The following EYS variants were observed in gnomAD, a reference collection of about 807,000 sequenced individuals.
EYS encodes the protein protein eyes shut homolog.
A neutral mutation model predicts 282.1 loss-of-function variants in EYS; 250 were observed. The ratio of observed to expected loss-of-function variants is 0.89; its 90% CI spans 0.80 to 0.98. The LOEUF (loss-of-function observed/expected upper bound fraction) is 0.98. Among genes scored for constraint, EYS ranks in the 50% least tolerant of loss-of-function variants. EYS has a pLI of 0.00. For synonymous variants in EYS, 1,355 were observed against 1,282.9 expected (o/e 1.06, Z -1.20); for missense variants, 4,016 against 3,709.0 (o/e 1.08, Z -2.15).
intron 12 of EYS, among the ~76,000 whole-genome samples, chr6:65,065,575 C>T (rs1462817161): frequency 1.3e-5 from 2 of 151,342 alleles, no homozygotes; most frequent in African/African-American, 2.4e-5. Context: ...CTAGTAGAGA[C>T]GGGGTTTCAC....
At chr6:64,905,591 C>T (rs1767802624) in intron 16 of EYS, among the ~76,000 whole-genome samples, 3 of 152,172 alleles carry the variant, frequency 2.0e-5, no homozygotes, top group Admixed American at 2.0e-4. Context: ...CTCCAAAATA[C>T]ACAAAATTGA....
intron 26 of EYS, among the ~76,000 whole-genome samples, chr6:64,448,115 AG>A (rs1775180737): frequency 6.6e-6 from 1 of 152,220 alleles, no homozygotes; most frequent in Non-Finnish European, 1.5e-5. Flanking sequence ...AGTCAAAGAA[AG>A]GGGTGACAGA....
intron 31 of EYS, among the ~76,000 whole-genome samples, chr6:64,116,337 A>G (rs563708409): frequency 1.3e-5 from 2 of 152,308 alleles, no homozygotes; most frequent in Admixed American, 6.5e-5. Context: ...TTCGTAGTCC[A>G]GGAAAGAATG....
At chr6:64,459,816 A>G (rs1775683951) in intron 26 of EYS, among the ~76,000 whole-genome samples, 1 of 152,172 alleles carries the variant, frequency 6.6e-6, no homozygotes, top group Non-Finnish European at 1.5e-5. Flanking sequence ...CTCACAGTCC[A>G]CTGACTCAAA....
intron 12 of EYS, among the ~76,000 whole-genome samples, chr6:65,255,051 A>G (rs556583650): frequency 9.9e-5 from 15 of 151,964 alleles, no homozygotes; most frequent in Middle Eastern, 3.4e-3. Context: ...ATGGAAGCAC[A>G]AAAGACCCAG....
At chr6:64,167,934 T>C (rs1432708826) in intron 31 of EYS, among the ~76,000 whole-genome samples, 2 of 152,146 alleles carry the variant, frequency 1.3e-5, no homozygotes, top group Admixed American at 6.5e-5. Flanking sequence ...TGATAAGATA[T>C]TACTTTCTAT....
chr6:63,755,688 G>A (rs1769461551), intron 41 of EYS, among the ~76,000 whole-genome samples: 1 of 152,152 alleles, frequency 6.6e-6, no homozygotes, highest in South Asian at 2.1e-4. Context: ...GTAGCTTCAT[G>A]GGGATAGCAT....
intron 5 of EYS, among the ~76,000 whole-genome samples, chr6:65,449,904 T>A (rs1250273999): frequency 6.6e-6 from 1 of 152,088 alleles, no homozygotes; most frequent in East Asian, 1.9e-4. Flanking sequence ...TCATTTTAGA[T>A]GCTAATTAGC....
At chr6:65,501,799 C>T (rs915132119) in intron 2 of EYS, among the ~76,000 whole-genome samples, 16 of 151,464 alleles carry the variant, frequency 1.1e-4, no homozygotes, top group African/African-American at 3.4e-4. Context: ...ACACTTTAAG[C>T]TTGCCTTAAA....
chr6:65,583,689 C>T (rs752331802), intron 2 of EYS, among the ~76,000 whole-genome samples: 1 of 152,000 alleles, frequency 6.6e-6, no homozygotes, highest in Non-Finnish European at 1.5e-5. Flanking sequence ...CTATAATGGT[C>T]TAAAGTGGCT....
chr6:65,053,275 A>G (rs1773325681), intron 13 of EYS, among the ~76,000 whole-genome samples: 1 of 151,854 alleles, frequency 6.6e-6, no homozygotes, highest in Non-Finnish European at 1.5e-5. Context: ...TCAAATTCTC[A>G]GAAAAACACT....
chr6:63,906,826 G>T (rs761017778), intron 35 of EYS, among the ~76,000 whole-genome samples: 2 of 151,142 alleles, frequency 1.3e-5, no homozygotes, highest in Non-Finnish European at 2.9e-5. Context: ...TAAAAACACA[G>T]ATATACATAT....
intron 14 of EYS, among the ~76,000 whole-genome samples, chr6:64,953,055 T>C (rs886718801): frequency 6.6e-6 from 1 of 151,912 alleles, no homozygotes; most frequent in Admixed American, 6.6e-5. Context: ...AAGACTTTTT[T>C]AAAAGAATTC....
At chr6:64,921,416 A>T (rs1340435612) in intron 15 of EYS, among the ~76,000 whole-genome samples, 1 of 152,170 alleles carries the variant, frequency 6.6e-6, no homozygotes. Context: ...AGAAATAAAT[A>T]AGGATAGCAG....
intron 19 of EYS, among the ~76,000 whole-genome samples, chr6:64,830,784 G>A (rs1324830286): frequency 6.6e-6 from 1 of 151,792 alleles, no homozygotes; most frequent in Non-Finnish European, 1.5e-5. Context: ...ACAAAGGGTT[G>A]ACTATAATAG....
At chr6:65,046,306 A>T (rs1773098049) in intron 13 of EYS, among the ~76,000 whole-genome samples, 2 of 151,860 alleles carry the variant, frequency 1.3e-5, no homozygotes. Context: ...AAGAGACAGA[A>T]CCTCAGTAGA....
intron 36 of EYS, among the ~76,000 whole-genome samples, chr6:63,835,126 C>T (rs571695005): frequency 1.5e-4 from 22 of 151,322 alleles, no homozygotes; most frequent in Admixed American, 1.1e-3. Context: ...GGGTGCACTA[C>T]ACCAACATGG....
At chr6:64,788,995 G>A (rs1359194754) in intron 22 of EYS, among the ~76,000 whole-genome samples, 1 of 152,042 alleles carries the variant, frequency 6.6e-6, no homozygotes, top group African/African-American at 2.4e-5. Context: ...CTCTCATTCA[G>A]CACCCCCATC....
intron 29 of EYS, among the ~76,000 whole-genome samples, chr6:64,348,766 C>A (rs1235683326): frequency 1.3e-5 from 2 of 151,360 alleles, no homozygotes; most frequent in East Asian, 2.0e-4. Flanking sequence ...CATGACATGG[C>A]AGCACTAGAC....
Sources: gnomAD v4.1 joint callset for allele counts (sites outside exome capture counted in the v4.1 genomes callset) on GRCh38, gnomAD v4.1.1 for gene constraint, MANE v1.5 for transcripts, NCBI Gene and HGNC (gene_info 2026-07-23, HGNC 2026-07-21) for gene names.